The following MBOAT1 variants were observed in gnomAD, a reference collection of about 807,000 sequenced individuals.
MBOAT1 encodes membrane-bound glycerophospholipid O-acyltransferase 1.
A neutral mutation model predicts 64.4 loss-of-function variants in MBOAT1; 67 were observed. That is an observed-to-expected ratio of 1.04 (90% CI 0.85 to 1.27). The LOEUF (loss-of-function observed/expected upper bound fraction) is 1.27. Among genes scored for constraint, MBOAT1 ranks in the 50% most tolerant of loss-of-function variants. The pLI, the probability that MBOAT1 is intolerant of heterozygous loss-of-function variation, is 0.00. For synonymous variants in MBOAT1, 229 were observed against 218.9 expected (o/e 1.05, Z -0.41); for missense variants, 563 against 604.6 (o/e 0.93, Z 0.72).
In MBOAT1 at chr6:20,152,611, G is replaced by C; in HGVS notation, c.245+13C>G. On this transcript the variant is annotated intron_variant, in intron 2 of 12. Coordinates refer to ENST00000324607, the MANE Select transcript of MBOAT1 (RefSeq NM_001080480.3). The stretch of plus-strand genomic sequence containing the variant: ...AAATGACCAATATTAGAATATATGA[G>C]GCTCATACTCACCAGCCGAAACAAA... The C allele has an allele frequency of 6.2e-7, 1 of 1,606,048 alleles. No individual in the cohort carries two copies. Among genetic ancestry groups the C allele is most frequent in the Non-Finnish European group, 8.5e-7 (1 of 1,175,788 alleles).
intron 12 of MBOAT1, among the ~76,000 whole-genome samples, chr6:20,106,079 G>A (rs1759947839): frequency 6.6e-6 from 1 of 152,198 alleles, no homozygotes; most frequent in Non-Finnish European, 1.5e-5. Context: ...AAAAGGGTTT[G>A]CATACAACTG....
chr6:20,173,749 G>C (rs764890000), intron 1 of MBOAT1, among the ~76,000 whole-genome samples: 108 of 152,206 alleles, frequency 7.1e-4, no homozygotes, highest in Non-Finnish European at 7.1e-4. Flanking sequence ...TCAGGAGTTC[G>C]AGACGAGCCT....
rs375316672 is a variant in MBOAT1, at chr6:20,126,849, G to A, written c.531-149C>T. Reference sequence around the variant, plus strand: ...TTGTTTCTACAAAGTCAGCCGAGGAGAAATCTTGTGGAAAGGAAAGGTTAA... The same window carrying A: ...TTGTTTCTACAAAGTCAGCCGAGGAAAAATCTTGTGGAAAGGAAAGGTTAA... On this transcript the variant is annotated intron_variant, in intron 6 of 12. Transcript: ENST00000324607. 26 of 680,700 alleles carry A rather than the reference G, an allele frequency of 3.8e-5. No homozygotes were observed. In the African/African-American group the frequency reaches 4.2e-4, roughly 11 times the overall value. 42.2% of individuals were successfully genotyped at this position (680,700 alleles called of 1,614,324 possible). A position where few individuals can be genotyped will look rare whatever the true frequency, so the allele number is the denominator to read the frequency against.
chr6:20,160,943 T>C (rs772282953), intron 1 of MBOAT1, among the ~76,000 whole-genome samples: 1 of 152,184 alleles, frequency 6.6e-6, no homozygotes, highest in Non-Finnish European at 1.5e-5. Flanking sequence ...ATAATCAATG[T>C]ACACAATTTA....
chr6:20,152,372 A>C (rs1761536626), intron 2 of MBOAT1, among the ~76,000 whole-genome samples: 1 of 133,066 alleles, frequency 7.5e-6, no homozygotes. Flanking sequence ...TAAATTAATT[A>C]ATTAATTAAT....
At chr6:20,158,997 G>A (rs1057257435) in intron 1 of MBOAT1, among the ~76,000 whole-genome samples, 8 of 152,186 alleles carry the variant, frequency 5.3e-5, no homozygotes, top group African/African-American at 1.9e-4. Flanking sequence ...AGCCATTATG[G>A]AAAACGGTAT....
chr6:20,178,191 C>G (rs541724562), intron 1 of MBOAT1, among the ~76,000 whole-genome samples: 1 of 152,176 alleles, frequency 6.6e-6, no homozygotes, highest in Non-Finnish European at 1.5e-5. Flanking sequence ...TACTTTGGAA[C>G]CCCACTAAGC....
At position 20,124,439 on chromosome 6, in the gene MBOAT1, T is replaced by A. The variant is rs138738081; in HGVS notation, c.876A>T (p.Ser292=). ...LCYLYVVMQA[S]KPKYYFAWTL... ...TCCATGCAAAGTAATACTTGGGCTT[T>A]GAGGCTTGCATGACAACATATAAGT... The change falls in exon 8 of 13, where the codon TCA becomes TCT. Residue 292 remains serine (S), a synonymous_variant. Transcript: ENST00000324607. 2.3e-5 allele frequency: 37 copies of A among 1,614,084 alleles called. No individual in the cohort carries two copies. The highest frequency in any genetic ancestry group is 3.0e-5 in the Non-Finnish European group (35 of 1,180,026).
At chr6:20,206,198 G>T (rs955995543) in intron 1 of MBOAT1, among the ~76,000 whole-genome samples, 9 of 151,876 alleles carry the variant, frequency 5.9e-5, no homozygotes, top group African/African-American at 1.9e-4. Flanking sequence ...TTTTGAGATG[G>T]AGTCTCGCTC....
chr6:20,146,306 G>A (rs138797857), intron 3 of MBOAT1, among the ~76,000 whole-genome samples: 50 of 152,248 alleles, frequency 3.3e-4, no homozygotes, highest in Non-Finnish European at 4.0e-4. Flanking sequence ...AAATTCATTC[G>A]GTAGCAAGGG....
At chr6:20,119,617 A>G (rs1174423111) in intron 8 of MBOAT1, among the ~76,000 whole-genome samples, 2 of 152,200 alleles carry the variant, frequency 1.3e-5, no homozygotes, top group African/African-American at 2.4e-5. Context: ...AACACTGCTT[A>G]TCTTACGCTT....
At chr6:20,125,415 C>T (rs192054542) in intron 7 of MBOAT1, among the ~76,000 whole-genome samples, 40 of 152,316 alleles carry the variant, frequency 2.6e-4, no homozygotes, top group African/African-American at 9.4e-4. Context: ...TACAGCTATA[C>T]CACTGATAGG....
intron 8 of MBOAT1, among the ~76,000 whole-genome samples, chr6:20,122,179 T>C (rs1031302609): frequency 3.3e-5 from 5 of 152,010 alleles, no homozygotes; most frequent in African/African-American, 1.2e-4. Context: ...AAAATATATA[T>C]ATATTTCACA....
intron 4 of MBOAT1, among the ~76,000 whole-genome samples, chr6:20,139,096 G>C (rs1445532750): frequency 1.3e-5 from 2 of 152,240 alleles, no homozygotes; most frequent in South Asian, 4.1e-4. Flanking sequence ...CTCTAATCCA[G>C]TGTGACCTGA....
At chr6:20,204,481 T>A in intron 1 of MBOAT1, among the ~76,000 whole-genome samples, 1 of 151,304 alleles carries the variant, frequency 6.6e-6, no homozygotes. Context: ...ATCTAAGAAG[T>A]AAAGTAAAAG....
chr6:20,148,334 T>C (rs143754667), intron 3 of MBOAT1, among the ~76,000 whole-genome samples: 3,925 of 152,216 alleles, frequency 0.026, 169 homozygotes, highest in African/African-American at 0.088. Flanking sequence ...GGAGAATCAC[T>C]TGAACTGGGG....
chr6:20,169,355 A>T (rs989787140), intron 1 of MBOAT1, among the ~76,000 whole-genome samples: 1 of 152,234 alleles, frequency 6.6e-6, no homozygotes, highest in African/African-American at 2.4e-5. Context: ...AGCTTTTCCA[A>T]AACAGAGATC....
chr6:20,142,280 C>G (rs1437918400), intron 4 of MBOAT1, among the ~76,000 whole-genome samples: 1 of 152,154 alleles, frequency 6.6e-6, no homozygotes, highest in African/African-American at 2.4e-5. Context: ...AAGAACTCTT[C>G]TAAGTATAGC....
At position 20,115,207 on chromosome 6, in the gene MBOAT1, G is replaced by C. The variant is rs1760283588; in HGVS notation, c.1076+81C>G. 4.0e-6 allele frequency: 4 copies of C among 998,866 alleles called. No homozygotes were observed. In the South Asian group the frequency reaches 5.1e-5, roughly 13 times the overall value. 61.9% of individuals were successfully genotyped at this position (998,866 alleles called of 1,614,324 possible). ...GTGTCAGATGACATTGCCACAGGCA[G>C]ACTCCCACTGTTCATCTACTGACTC... On this transcript the variant is annotated intron_variant, in intron 10 of 12. Transcript: ENST00000324607.
Sources: allele counts gnomAD v4.1 joint callset (sites outside exome capture counted in the v4.1 genomes callset), GRCh38; gene constraint gnomAD v4.1.1; transcripts MANE v1.5; gene names NCBI Gene and HGNC (gene_info 2026-07-23, HGNC 2026-07-21).